DYM: variants seen among roughly 807,000 people sequenced by gnomAD.
DYM encodes the protein dymeclin.
Under a neutral mutation model 93.1 loss-of-function variants are expected in DYM, and 78 were observed. The observed-to-expected ratio is 0.84, with a 90% CI of 0.70 to 1.01. The LOEUF is 1.01. Ranked by LOEUF, DYM falls within the 50% of genes least tolerant of loss-of-function variation. The probability of loss-of-function intolerance (pLI) is 0.00; values close to 1 mark genes in which losing one functional copy is unlikely to be tolerated. For missense variants in DYM, 789 were observed against 845.0 expected (o/e 0.93, Z 0.82); for synonymous variants, 321 against 319.7 (o/e 1.00, Z -0.04).
intron 2 of DYM, among the ~76,000 whole-genome samples, chr18:49,425,555 C>A (rs199854380): frequency 0.089 from 13,522 of 151,246 alleles, 799 homozygotes; most frequent in East Asian, 0.3. Flanking sequence ...GGATCTAATT[C>A]AACTAAAGAG....
In DYM at chr18:49,052,672, G is replaced by A. The variant is rs563205285; in HGVS notation, c.2026-8468C>T. On this transcript the variant is annotated intron_variant, in intron 17 of 17. Transcript: ENST00000675505. ...CCAGGGCCCCGGCTGCTCAGGTATC[G>A]CCAGGCCCTCTTAACTCCGACATCC... Among the ~76,000 whole-genome samples the A allele has an allele frequency of 1.3e-3, 198 of 152,330 alleles. 2 individuals are homozygous for A. Among genetic ancestry groups the A allele is most frequent in the Non-Finnish European group, 1.2e-3 (79 of 68,034 alleles).
At chr18:49,195,482 G>A (rs373466220) in intron 14 of DYM, among the ~76,000 whole-genome samples, 7 of 152,148 alleles carry the variant, frequency 4.6e-5, no homozygotes, top group East Asian at 1.9e-4. Flanking sequence ...CAGTACCACA[G>A]AACAACAGAA....
chr18:49,279,670 T>C (rs2094923862), intron 10 of DYM, among the ~76,000 whole-genome samples: 1 of 152,160 alleles, frequency 6.6e-6, no homozygotes, highest in African/African-American at 2.4e-5. Flanking sequence ...ATGTCACAGG[T>C]TTCCTGCTTA....
At chr18:49,204,905 T>C (rs750380365) in intron 14 of DYM, among the ~76,000 whole-genome samples, 2 of 152,244 alleles carry the variant, frequency 1.3e-5, no homozygotes. Flanking sequence ...GAAAGGCTTA[T>C]GGCTTCATAA....
At chr18:49,397,511 C>CT (rs1049772663) in intron 2 of DYM, among the ~76,000 whole-genome samples, 13 of 152,164 alleles carry the variant, frequency 8.5e-5, no homozygotes, top group African/African-American at 3.1e-4. Context: ...ATTATGTTTT[C>CT]TTTTTTACCA....
chr18:49,393,027 A>AAGGAGG lies in DYM; in HGVS notation c.141-1388_141-1383dup, dbSNP rs142926004. Among the ~76,000 whole-genome samples the AAGGAGG allele has an allele frequency of 1.7e-3, 91 of 54,734 alleles. 9 individuals are homozygous for AAGGAGG. The highest frequency in any genetic ancestry group is 2.4e-3 in the Non-Finnish European group (65 of 26,826). 35.9% of individuals were successfully genotyped at this position (54,734 alleles called of 152,430 possible). ...AAAAAAGAAGAAGAAGAAGAGGAAG[A>AAGGAGG]AGGAGGAGGAGGAGGAGGAGGAGGG... is the stretch of plus-strand genomic sequence containing the variant. On this transcript the variant is annotated intron_variant, in intron 2 of 17. Coordinates refer to ENST00000675505, the MANE Select transcript of DYM (RefSeq NM_001353214.3).
At chr18:49,118,146 A>T (rs2082077321) in intron 16 of DYM, among the ~76,000 whole-genome samples, 1 of 151,810 alleles carries the variant, frequency 6.6e-6, no homozygotes, top group East Asian at 1.9e-4. Flanking sequence ...AGTAGCTGGG[A>T]TTATAGGCAT....
At chr18:49,232,376 G>A (rs1291326730) in intron 13 of DYM, among the ~76,000 whole-genome samples, 3 of 150,406 alleles carry the variant, frequency 2.0e-5, no homozygotes, top group Non-Finnish European at 4.4e-5. Flanking sequence ...GCGCGATCTC[G>A]GCTCACTGCA....
At chr18:49,157,384 A>C (rs72923818) in intron 15 of DYM, among the ~76,000 whole-genome samples, 5,999 of 152,232 alleles carry the variant, frequency 0.039, 145 homozygotes, top group Middle Eastern at 0.061. Context: ...CATAACTGTA[A>C]TAGCTAACCT....
rs189556729 is a variant in DYM at position 49,216,588 on chromosome 18, T to C, written c.1461-6873A>G. On this transcript the variant is annotated intron_variant, in intron 13 of 17. Coordinates refer to ENST00000675505, the MANE Select transcript of DYM (RefSeq NM_001353214.3). ...AGGAACGATCAGACAGCAGCATTCG[T>C]GGTTCATGAAAATCCGCAGTTCTGA... is the stretch of plus-strand genomic sequence containing the variant. Among the ~76,000 whole-genome samples the C allele has an allele frequency of 3.4e-3, 523 of 152,264 alleles. 4 individuals carry two copies. Among genetic ancestry groups the C allele is most frequent in the African/African-American group, 0.012 (487 of 41,562 alleles).
chr18:49,425,399 T>C (rs893100307), intron 2 of DYM, among the ~76,000 whole-genome samples: 1 of 152,162 alleles, frequency 6.6e-6, no homozygotes, highest in African/African-American at 2.4e-5. Context: ...TAATTCAAGA[T>C]GGATTAAAGA....
At chr18:49,263,170 G>A (rs1352883597) in intron 11 of DYM, among the ~76,000 whole-genome samples, 1 of 151,638 alleles carries the variant, frequency 6.6e-6, no homozygotes, top group Non-Finnish European at 1.5e-5. Flanking sequence ...CCAGGCTGGA[G>A]TGCAATGGCA....
intron 13 of DYM, among the ~76,000 whole-genome samples, chr18:49,222,634 G>A (rs2093405199): frequency 6.6e-6 from 1 of 151,962 alleles, no homozygotes; most frequent in Non-Finnish European, 1.5e-5. Flanking sequence ...ATGAACAGAG[G>A]TTCATAATAA....
At chr18:49,123,861 T>C (rs541330221) in intron 15 of DYM, among the ~76,000 whole-genome samples, 1 of 152,306 alleles carries the variant, frequency 6.6e-6, no homozygotes, top group South Asian at 2.1e-4. Flanking sequence ...TTCAGAATTC[T>C]CTCTCACGGT....
intron 1 of DYM, among the ~76,000 whole-genome samples, chr18:49,438,993 C>A (rs1331217614): frequency 6.6e-6 from 1 of 152,152 alleles, no homozygotes; most frequent in Non-Finnish European, 1.5e-5. Flanking sequence ...CTGCCTTTGC[C>A]CTCACTGGGC....
At chr18:49,421,132 C>T (rs1462778013) in intron 2 of DYM, among the ~76,000 whole-genome samples, 1 of 152,208 alleles carries the variant, frequency 6.6e-6, no homozygotes, top group Non-Finnish European at 1.5e-5. Context: ...CCATGTCTGA[C>T]AGCTTTGAAG....
intron 15 of DYM, among the ~76,000 whole-genome samples, chr18:49,132,157 T>C (rs2083435673): frequency 6.6e-6 from 1 of 152,204 alleles, no homozygotes; most frequent in East Asian, 1.9e-4. Flanking sequence ...TTATTATTTT[T>C]AGAGATGCAT....
At chr18:49,303,626 AAG>A (rs1456961402) in intron 8 of DYM, among the ~76,000 whole-genome samples, 1 of 152,112 alleles carries the variant, frequency 6.6e-6, no homozygotes, top group Non-Finnish European at 1.5e-5. Flanking sequence ...TAAGGCTGAA[AAG>A]AGAGGGCAGG....
intron 14 of DYM, among the ~76,000 whole-genome samples, chr18:49,173,993 G>A (rs569314251): frequency 2.0e-5 from 3 of 152,036 alleles, no homozygotes; most frequent in Non-Finnish European, 4.4e-5. Context: ...TTTCATTGAT[G>A]CTCTTTGTCA....
Sources: allele counts gnomAD v4.1 joint callset (sites outside exome capture counted in the v4.1 genomes callset), GRCh38; gene constraint gnomAD v4.1.1; transcripts MANE v1.5; gene names NCBI Gene and HGNC (gene_info 2026-07-23, HGNC 2026-07-21).